Variants in ZRANB3 observed in about 807,000 individuals in gnomAD.
The protein encoded by ZRANB3 is zinc finger RANBP2-type containing 3.
A neutral mutation model predicts 133.8 loss-of-function variants in ZRANB3; 125 were observed. The observed-to-expected ratio is 0.93, with a 90% CI of 0.81 to 1.08. The LOEUF (loss-of-function observed/expected upper bound fraction) is 1.08, where lower values mean the gene tolerates loss of function less well. Ranked by LOEUF, ZRANB3 falls within the 50% of genes least tolerant of loss-of-function variation. The pLI, the probability that ZRANB3 is intolerant of heterozygous loss-of-function variation, is 0.00. For synonymous variants in ZRANB3, 387 were observed against 432.7 expected (o/e 0.89, Z 1.31); for missense variants, 1,229 against 1,275.5 (o/e 0.96, Z 0.56).
chr2:135,406,131 G>A (rs559166896), intron 2 of ZRANB3, among the ~76,000 whole-genome samples: 33 of 151,968 alleles, frequency 2.2e-4, no homozygotes, highest in South Asian at 6.2e-4. Context: ...AAAAAATGAC[G>A]AAGGGGATAT....
At chr2:135,478,369 CAG>C (rs1691595621) in intron 2 of ZRANB3, among the ~76,000 whole-genome samples, 1 of 151,978 alleles carries the variant, frequency 6.6e-6, no homozygotes, top group South Asian at 2.1e-4. Flanking sequence ...GTTAAAGAAA[CAG>C]AATATTATCA....
intron 6 of ZRANB3, among the ~76,000 whole-genome samples, chr2:135,342,903 A>G (rs4954242): frequency 0.28 from 40,772 of 145,730 alleles, 9,407 homozygotes; most frequent in African/African-American, 0.58. Flanking sequence ...GGTAGCTCAC[A>G]CCTGTAATCC....
At chr2:135,323,635 G>A (rs1683650176) in intron 6 of ZRANB3, among the ~76,000 whole-genome samples, 1 of 151,986 alleles carries the variant, frequency 6.6e-6, no homozygotes, top group African/African-American at 2.4e-5. Context: ...TCAAAAGAGG[G>A]ACAATTTGAT....
Position 135,200,119 on chromosome 2 carries a change from C to A in ZRANB3, c.*223G>T, listed in dbSNP as rs938650401. ...CTGAAACATAATTGCGAGTCTGAAT[C>A]AAATCAAAAAGACCACAGAAATATT... On this transcript the variant is annotated 3_prime_UTR_variant, in exon 21 of 21. Transcript: ENST00000264159. The A allele has an allele frequency of 2.1e-5, 13 of 614,464 alleles. No individual in the cohort carries two copies. The Admixed American group carries it at 3.2e-4, about 15-fold the overall frequency. 38.1% of individuals were successfully genotyped at this position (614,464 alleles called of 1,614,324 possible).
At position 135,199,143 on chromosome 2, in the gene ZRANB3, C is replaced by G. The variant is rs1006676450; in HGVS notation, c.*1199G>C. 2.6e-5 allele frequency: 4 copies of G among 152,174 alleles called. No homozygotes were observed. The highest frequency in any genetic ancestry group is 9.6e-5 in the African/African-American group (4 of 41,452). The allele number at this position is 152,174 out of a possible 1,614,324, so 9.4% of individuals were successfully genotyped here. A position where few individuals can be genotyped will look rare whatever the true frequency, so the allele number is the denominator to read the frequency against. On this transcript the variant is annotated 3_prime_UTR_variant, in exon 21 of 21. Coordinates refer to ENST00000264159, the MANE Select transcript of ZRANB3 (RefSeq NM_032143.4). ...TTATTGTATATTTAAATGCATATAACCATCTGATTATGCCTTATTATAAAG... is the reference window on the plus strand; with the variant it reads ...TTATTGTATATTTAAATGCATATAAGCATCTGATTATGCCTTATTATAAAG...
At chr2:135,441,535 T>A (rs1381281166) in intron 2 of ZRANB3, among the ~76,000 whole-genome samples, 1 of 152,000 alleles carries the variant, frequency 6.6e-6, no homozygotes, top group Admixed American at 6.5e-5. Flanking sequence ...AATGACTGAA[T>A]ACACACATGC....
intron 15 of ZRANB3, among the ~76,000 whole-genome samples, chr2:135,220,535 T>C (rs1694496678): frequency 6.6e-6 from 1 of 151,304 alleles, no homozygotes; most frequent in Non-Finnish European, 1.5e-5. Context: ...CCGTCTCTAC[T>C]AAAAATATAA....
At chr2:135,239,425 A>AG (rs1695452244) in intron 12 of ZRANB3, among the ~76,000 whole-genome samples, 1 of 151,704 alleles carries the variant, frequency 6.6e-6, no homozygotes. Flanking sequence ...ATCAAAAAAA[A>AG]AAGGAAGCGA....
intron 20 of ZRANB3, 112 bp downstream of exon 20, chr2:135,202,720 T>C: frequency 1.5e-6 from 2 of 1,337,962 alleles, no homozygotes; most frequent in Middle Eastern, 2.1e-4. Context: ...AAAATGTGCC[T>C]CGAATCTCAG....
intron 2 of ZRANB3, among the ~76,000 whole-genome samples, chr2:135,470,876 AC>A (rs1248262472): frequency 2.7e-5 from 4 of 146,362 alleles, no homozygotes. Flanking sequence ...ATCTCGACTC[AC>A]TGCAAGCTCT....
intron 9 of ZRANB3, among the ~76,000 whole-genome samples, chr2:135,273,641 C>A (rs544162729): frequency 6.6e-6 from 1 of 151,948 alleles, no homozygotes; most frequent in Non-Finnish European, 1.5e-5. Context: ...TAGGTTCAAG[C>A]GATTCTCCTG....
At chr2:135,352,010 T>G (rs1224873686) in intron 4 of ZRANB3, among the ~76,000 whole-genome samples, 1 of 152,158 alleles carries the variant, frequency 6.6e-6, no homozygotes, top group East Asian at 1.9e-4. Flanking sequence ...AAGAGTCATT[T>G]TAAGAAAATT....
chr2:135,498,675 T>G (rs1233129008), intron 2 of ZRANB3, among the ~76,000 whole-genome samples: 1 of 152,148 alleles, frequency 6.6e-6, no homozygotes. Context: ...CAGGAGAAAT[T>G]TCACTGAATT....
intron 12 of ZRANB3, among the ~76,000 whole-genome samples, chr2:135,236,212 C>G (rs1212342668): frequency 2.6e-5 from 4 of 152,118 alleles, no homozygotes; most frequent in Admixed American, 2.6e-4. Context: ...AATAAAATAC[C>G]TAGGAATCCA....
chr2:135,275,026 T>G (rs1680720895), intron 9 of ZRANB3, among the ~76,000 whole-genome samples: 1 of 152,272 alleles, frequency 6.6e-6, no homozygotes, highest in East Asian at 1.9e-4. Context: ...TCTACTTCTT[T>G]CTACACAGAC....
At chr2:135,496,249 TG>T (rs1692657987) in intron 2 of ZRANB3, among the ~76,000 whole-genome samples, 1 of 151,712 alleles carries the variant, frequency 6.6e-6, no homozygotes, top group South Asian at 2.1e-4. Context: ...CCAGGCGTGG[TG>T]GCGTGCGACT....
At chr2:135,286,256 T>C (rs757716948) in intron 8 of ZRANB3, among the ~76,000 whole-genome samples, 5 of 152,156 alleles carry the variant, frequency 3.3e-5, no homozygotes, top group Non-Finnish European at 7.4e-5. Flanking sequence ...CAAAGTCCCA[T>C]TGTATCATTC....
At chr2:135,504,271 GT>G in intron 2 of ZRANB3, 57 bp downstream of exon 2, 4 of 1,597,402 alleles carry the variant, frequency 2.5e-6, no homozygotes, top group Non-Finnish European at 3.4e-6. Flanking sequence ...ACAGAACTTT[GT>G]TTTTAATACA....
At chr2:135,460,716 C>T (rs969656658) in intron 2 of ZRANB3, among the ~76,000 whole-genome samples, 3 of 152,072 alleles carry the variant, frequency 2.0e-5, no homozygotes, top group Non-Finnish European at 2.9e-5. Flanking sequence ...AGGCAATTTT[C>T]GTATTTTCTC....
Sources: allele counts gnomAD v4.1 joint callset (sites outside exome capture counted in the v4.1 genomes callset), GRCh38; gene constraint gnomAD v4.1.1; transcripts MANE v1.5; gene names NCBI Gene and HGNC (gene_info 2026-07-23, HGNC 2026-07-21).